The following ANKH variants were observed in gnomAD, a reference collection of about 807,000 sequenced individuals.
ANKH encodes the protein mineralization regulator ANKH.
A neutral mutation model predicts 49.0 loss-of-function variants in ANKH; 15 were observed. The ratio of observed to expected loss-of-function variants is 0.31; its 90% CI spans 0.20 to 0.47. The LOEUF (loss-of-function observed/expected upper bound fraction) is 0.47, where lower values mean the gene tolerates loss of function less well. ANKH is among the 20% of genes least tolerant of loss of function. The pLI, the probability that ANKH is intolerant of heterozygous loss-of-function variation, is 1.00. For missense variants in ANKH, 429 were observed against 652.0 expected (o/e 0.66, Z 3.72); for synonymous variants, 273 against 260.0 (o/e 1.05, Z -0.48).
At chr5:14,835,475 C>G (rs1337115382) in intron 1 of ANKH, among the ~76,000 whole-genome samples, 1 of 152,102 alleles carries the variant, frequency 6.6e-6, no homozygotes, top group East Asian at 1.9e-4. Flanking sequence ...TCAGTGCGTT[C>G]AGTGGTGAAA....
intron 1 of ANKH, among the ~76,000 whole-genome samples, chr5:14,801,056 C>G (rs556214505): frequency 3.9e-5 from 6 of 152,218 alleles, no homozygotes; most frequent in African/African-American, 1.4e-4. Flanking sequence ...ATTGGAAAAC[C>G]AAAAAGTGTG....
chr5:14,789,034 G>A (rs1740071134), intron 1 of ANKH, among the ~76,000 whole-genome samples: 1 of 152,158 alleles, frequency 6.6e-6, no homozygotes, highest in Admixed American at 6.5e-5. Context: ...TTTGAGACCA[G>A]CCTGGCTAAC....
intron 1 of ANKH, among the ~76,000 whole-genome samples, chr5:14,774,201 A>G (rs1179096575): frequency 3.3e-5 from 5 of 152,130 alleles, no homozygotes; most frequent in African/African-American, 4.8e-5. Context: ...CAGTCTGTCA[A>G]TCATTTTATG....
At chr5:14,832,326 G>A (rs976557334) in intron 1 of ANKH, among the ~76,000 whole-genome samples, 8 of 152,150 alleles carry the variant, frequency 5.3e-5, no homozygotes, top group Non-Finnish European at 8.8e-5. Flanking sequence ...TTCTCCATGT[G>A]CAAATAAATA....
At chr5:14,857,784 A>C (rs1180784470) in intron 1 of ANKH, among the ~76,000 whole-genome samples, 1 of 152,248 alleles carries the variant, frequency 6.6e-6, no homozygotes, top group Non-Finnish European at 1.5e-5. Flanking sequence ...TCTCAAAGTC[A>C]CAGGGCAATA....
chr5:14,749,087 C>T, intron 6 of ANKH, 85 bp downstream of exon 6: 1 of 1,584,396 alleles, frequency 6.3e-7, no homozygotes. Flanking sequence ...TACTTGAGCT[C>T]TCGAGAAGAA....
intron 1 of ANKH, among the ~76,000 whole-genome samples, chr5:14,864,088 C>T (rs1395962759): frequency 6.6e-6 from 1 of 152,118 alleles, no homozygotes; most frequent in Non-Finnish European, 1.5e-5. Flanking sequence ...GTTCCATATG[C>T]CTGGAATCCC....
At chr5:14,711,363 G>A in intron 11 of ANKH, 53 bp from the exon 12 acceptor site, 1 of 1,473,614 alleles carries the variant, frequency 6.8e-7, no homozygotes, top group Non-Finnish European at 9.5e-7. Context: ...ACACTGCACA[G>A]CAGAACCACG....
At chr5:14,747,360 G>C (rs1430066458) in intron 6 of ANKH, among the ~76,000 whole-genome samples, 2 of 152,158 alleles carry the variant, frequency 1.3e-5, no homozygotes, top group Non-Finnish European at 2.9e-5. Context: ...TTGGAGAATT[G>C]CTTGAGCCTG....
rs1398861072 is a variant in ANKH, at chr5:14,806,258, T to C, written c.97-37067A>G. ...GCAGCAGCTCTTGCCCCTCACGACC[T>C]GCACCACCCTCAACCCCCCAAAAAA... On this transcript the variant is annotated intron_variant, in intron 1 of 11. Coordinates refer to ENST00000284268, the MANE Select transcript of ANKH (RefSeq NM_054027.6). Among the ~76,000 whole-genome samples the C allele has an allele frequency of 2.0e-5, 3 of 151,832 alleles. No homozygotes were observed. The East Asian group carries it at 5.8e-4, about 29-fold the overall frequency.
chr5:14,846,127 G>C (rs552726744), intron 1 of ANKH, among the ~76,000 whole-genome samples: 1 of 152,206 alleles, frequency 6.6e-6, no homozygotes, highest in African/African-American at 2.4e-5. Context: ...AAAGTGCTGG[G>C]ATTACAAGCA....
At chr5:14,757,141 G>C (rs1317892092) in intron 3 of ANKH, among the ~76,000 whole-genome samples, 1 of 152,084 alleles carries the variant, frequency 6.6e-6, no homozygotes, top group Non-Finnish European at 1.5e-5. Context: ...GAATGACACG[G>C]ACCTGTCCAG....
rs143876549 is a variant in ANKH at position 14,814,812 on chromosome 5, G to A, written c.97-45621C>T. On this transcript the variant is annotated intron_variant, in intron 1 of 11. Transcript: ENST00000284268. The stretch of plus-strand genomic sequence containing the variant: ...ACACTTTCAACCTATAGCACCTCTT[G>A]GAGTCAATCTGGCTTTATCTCCCTT... Among the ~76,000 whole-genome samples, 97 of 152,264 alleles carry A rather than the reference G, an allele frequency of 6.4e-4. No homozygotes were observed. The East Asian group carries it at 0.015, about 23-fold the overall frequency.
At position 14,793,546 on chromosome 5, in the gene ANKH, G is replaced by A. The variant is rs138345588; in HGVS notation, c.97-24355C>T. 3.5e-3 allele frequency among the ~76,000 whole-genome samples: 533 copies of A among 152,270 alleles called. 1 individual carries two copies. The highest frequency in any genetic ancestry group is 0.012 in the African/African-American group (500 of 41,554). On this transcript the variant is annotated intron_variant, in intron 1 of 11. Coordinates refer to ENST00000284268, the MANE Select transcript of ANKH (RefSeq NM_054027.6). ...AGCAAGGTAAGTGGTAAGGGGCTGAGTAACGGGAGATGAACCAGGGTGAAG... is the reference window on the plus strand; with the variant it reads ...AGCAAGGTAAGTGGTAAGGGGCTGAATAACGGGAGATGAACCAGGGTGAAG...
At chr5:14,716,167 C>T (rs1213132367) in intron 9 of ANKH, among the ~76,000 whole-genome samples, 1 of 152,190 alleles carries the variant, frequency 6.6e-6, no homozygotes, top group Non-Finnish European at 1.5e-5. Context: ...CCTTTCAGGT[C>T]TACTTCCTTT....
In ANKH at chr5:14,844,156, T is replaced by C. The variant is rs572041056; in HGVS notation, c.96+27196A>G. Among the ~76,000 whole-genome samples the C allele has an allele frequency of 5.9e-5, 9 of 152,312 alleles. No individual in the cohort carries two copies. In the South Asian group the frequency reaches 1.7e-3, roughly 28 times the overall value. ...TGCCTCATGCTTAGTACTCCCCAAG[T>C]GTGGTGTAACATAAAGCCTTTAAAA... On this transcript the variant is annotated intron_variant, in intron 1 of 11. Transcript: ENST00000284268.
In ANKH at chr5:14,724,617, T is replaced by G. The variant is rs1470799421; in HGVS notation, c.1012-7782A>C. ...GAGCTAAGAACCACGGAAGGGGGAT[T>G]TGAACCAAGACCTGCTTCCTCACTT... On this transcript the variant is annotated intron_variant, in intron 8 of 11. Coordinates refer to ENST00000284268, the MANE Select transcript of ANKH (RefSeq NM_054027.6). The G allele has an allele frequency of 1.5e-5, 15 of 984,222 alleles. No individual in the cohort carries two copies. In the African/African-American group the frequency reaches 2.3e-4, roughly 15 times the overall value. The allele number at this position is 984,222 out of a possible 1,614,324, so 61.0% of individuals were successfully genotyped here. A position where few individuals can be genotyped will look rare whatever the true frequency, so the allele number is the denominator to read the frequency against.
At chr5:14,774,425 C>T (rs1466331202) in intron 1 of ANKH, among the ~76,000 whole-genome samples, 3 of 151,902 alleles carry the variant, frequency 2.0e-5, no homozygotes, top group Non-Finnish European at 4.4e-5. Flanking sequence ...TGATTTTTTT[C>T]CCATTCATTA....
chr5:14,813,047 C>A (rs1740933225), intron 1 of ANKH, among the ~76,000 whole-genome samples: 1 of 152,010 alleles, frequency 6.6e-6, no homozygotes, highest in Non-Finnish European at 1.5e-5. Flanking sequence ...TTGAGACCAG[C>A]CTGGGCAACA....
Sources: gnomAD v4.1 joint callset for allele counts (sites outside exome capture counted in the v4.1 genomes callset) on GRCh38, gnomAD v4.1.1 for gene constraint, MANE v1.5 for transcripts, NCBI Gene and HGNC (gene_info 2026-07-23, HGNC 2026-07-21) for gene names.